The following ARHGAP4 variants were observed in gnomAD, a reference collection of about 807,000 sequenced individuals.
The protein encoded by ARHGAP4 is rho GTPase-activating protein 4.
Under a neutral mutation model 67.6 loss-of-function variants are expected in ARHGAP4, and 25 were observed. The observed-to-expected ratio is 0.37, with a 90% confidence interval of 0.27 to 0.52. The LOEUF (loss-of-function observed/expected upper bound fraction) is 0.52. Among genes scored for constraint, ARHGAP4 ranks in the 20% least tolerant of loss-of-function variants. The pLI is 0.92. For missense variants in ARHGAP4, 804 were observed against 854.6 expected (o/e 0.94, Z 0.74); for synonymous variants, 448 against 373.7 (o/e 1.20, Z -2.29).
rs2064996479 is a variant in ARHGAP4 at position 153,909,185 on chromosome X, G to A, written c.2508-16C>T. 2 of 1,182,020 alleles carry A rather than the reference G, an allele frequency of 1.7e-6. No individual in the cohort carries two copies. The highest frequency in any genetic ancestry group is 3.0e-5 in the East Asian group (1 of 33,052). On this transcript the variant is annotated splice_polypyrimidine_tract_variant and intron_variant, in intron 20 of 21. Coordinates refer to ENST00000350060, the MANE Select transcript of ARHGAP4 (RefSeq NM_001666.5). Reference sequence around the variant, plus strand: ...TGGCTCTGGCCTGCAGGACAGACAGGGAGCCTGGTGGGGGCCCTGGGAAGT... The same window carrying A: ...TGGCTCTGGCCTGCAGGACAGACAGAGAGCCTGGTGGGGGCCCTGGGAAGT...
chrX:153,924,434 T>C lies in ARHGAP4; in HGVS notation c.67+1702A>G, dbSNP rs781915385. 2.3e-4 allele frequency among the ~76,000 whole-genome samples: 26 copies of C among 111,688 alleles called. No individual in the cohort carries two copies. The South Asian group carries it at 9.4e-3, about 40-fold the overall frequency. On this transcript the variant is annotated intron_variant, in intron 1 of 21. Transcript: ENST00000350060. ...TTCAGACAAACTCGTCAGCACACCC[T>C]GTCCTGACCTCCCCCTAAACTAGGG...
rs782675835 is a variant in ARHGAP4, at chrX:153,909,107, A to T, written c.2570T>A (p.Val857Asp). The part of the protein sequence containing the change: ...GPSGHRRRCL[V>D]PASPEQHVEV... ...CACGTGTTGCTCTGGGGAGGCTGGG[A>T]CCAAGCAGCGTCGTCTGTGTCCAGA... The change falls in exon 21 of 22, where the codon GTC becomes GAC. Residue 857 changes from valine (V) to aspartate (D), a missense_variant. This residue lies in a region of ARHGAP4 where 400 missense variants were observed against 348.7 expected (regional missense o/e 1.15). Coordinates refer to ENST00000350060, the MANE Select transcript of ARHGAP4 (RefSeq NM_001666.5). The T allele has an allele frequency of 3.7e-5, 45 of 1,210,188 alleles. No homozygotes were observed. The East Asian group carries it at 1.2e-3, about 33-fold the overall frequency.
In ARHGAP4 at chrX:153,921,420, G is replaced by T; in HGVS notation, c.380C>A (p.Pro127His). The T allele has an allele frequency of 8.3e-7, 1 of 1,210,178 alleles. No individual in the cohort carries two copies. Among genetic ancestry groups the T allele is most frequent in the East Asian group, 3.0e-5 (1 of 33,814 alleles). ...SAALSEVLAG[P>H]LAQRLSHIAE... ...AATGTGACTCAGGCGCTGGGCCAGGGGCCCGGCCAGCACCTCACTCAGGGC... is the reference window on the plus strand; with the variant it reads ...AATGTGACTCAGGCGCTGGGCCAGGTGCCCGGCCAGCACCTCACTCAGGGC... Residue 127 changes from proline to histidine, a missense_variant, in exon 3 of 22, where the codon CCC becomes CAC. Physicochemically the swap from Pro to His is moderately conservative, Grantham distance 77. Transcript: ENST00000350060.
chrX:153,910,339 G>A lies in ARHGAP4; in HGVS notation c.1988C>T (p.Thr663Met). Residue 663 changes from threonine to methionine, a missense_variant, in exon 17 of 22, where the codon ACG (threonine) becomes ATG (methionine). Around this residue, in one of 2 missense-constraint regions of ARHGAP4, gnomAD observed 400 missense variants for 348.7 expected, o/e 1.15. Transcript: ENST00000350060. ...PYNLAVCFGP[T>M]LLPVPAGQDP... ...CTGCCCAGCGGGCACCGGTAGCAGC[G>A]TGGGCCCGAAGCACACGGCCAGGTT... 6 of 1,208,370 alleles carry A rather than the reference G, an allele frequency of 5.0e-6. No homozygotes were observed. Among genetic ancestry groups the A allele is most frequent in the Non-Finnish European group, 5.6e-6 (5 of 893,962 alleles).
chrX:153,919,712 G>A (rs2065079712), intron 5 of ARHGAP4: 1 of 1,117,986 alleles, frequency 8.9e-7, no homozygotes, highest in Admixed American at 3.1e-5. Flanking sequence ...TACCCCAAAG[G>A]GTAGGGATAG....
At chrX:153,924,984 G>C (rs6643802) in intron 1 of ARHGAP4, among the ~76,000 whole-genome samples, 1 of 112,171 alleles carries the variant, frequency 8.9e-6, no homozygotes, top group East Asian at 2.8e-4. Flanking sequence ...AGCAAGTGAG[G>C]AACCCTTAGA....
intron 8 of ARHGAP4, 83 bp downstream of exon 8, chrX:153,913,695 C>T (rs2065037091): frequency 2.6e-6 from 3 of 1,157,909 alleles, no homozygotes; most frequent in South Asian, 3.7e-5. Context: ...GGGAGGGGGG[C>T]AGGCAGGGCA....
chrX:153,925,912 C>T (rs782443902), intron 1 of ARHGAP4, among the ~76,000 whole-genome samples: 2 of 112,805 alleles, frequency 1.8e-5, no homozygotes, highest in Non-Finnish European at 3.8e-5. Flanking sequence ...AGGACAGAGA[C>T]CAAAGGAAGG....
chrX:153,908,410 A>G (rs1557101782), intron 21 of ARHGAP4, among the ~76,000 whole-genome samples: 1 of 111,482 alleles, frequency 9.0e-6, no homozygotes, highest in Admixed American at 9.4e-5. Flanking sequence ...CACCTGGGAC[A>G]CCCGCATGTT....
At chrX:153,918,639 C>T (rs1193755160) in intron 7 of ARHGAP4, among the ~76,000 whole-genome samples, 193 bp downstream of exon 7, 1 of 112,728 alleles carries the variant, frequency 8.9e-6, no homozygotes, top group Non-Finnish European at 1.9e-5. Context: ...AGTGTCTTGC[C>T]CTCCTTGGCC....
chrX:153,917,464 G>C (rs1191643822), intron 7 of ARHGAP4, among the ~76,000 whole-genome samples: 2 of 109,978 alleles, frequency 1.8e-5, no homozygotes, highest in Non-Finnish European at 3.8e-5. Flanking sequence ...CATGAAATAA[G>C]AATAAAGGGT....
In ARHGAP4 at chrX:153,909,553, G is replaced by A. The variant is rs782557710; in HGVS notation, c.2415-18C>T. Reference sequence around the variant, plus strand: ...TCTCCGTCCTGCGGTGGGAAGGACCGGCCTGTTTCGAGTGCTCCTTCCCTG... The same window carrying A: ...TCTCCGTCCTGCGGTGGGAAGGACCAGCCTGTTTCGAGTGCTCCTTCCCTG... On this transcript the variant is annotated intron_variant, in intron 19 of 21. Transcript: ENST00000350060. 1.7e-5 allele frequency: 20 copies of A among 1,181,481 alleles called. No individual in the cohort carries two copies. The highest frequency in any genetic ancestry group is 2.4e-4 in the Middle Eastern group (1 of 4,221).
In ARHGAP4 at chrX:153,926,236, G is replaced by A; in HGVS notation, c.-34C>T. Reference sequence around the variant, plus strand: ...CGCGGCCGCGCCGTCGAACCCCACTGCTCCCACGCGGCCGTGAGCGGGCCC... The same window carrying A: ...CGCGGCCGCGCCGTCGAACCCCACTACTCCCACGCGGCCGTGAGCGGGCCC... On this transcript the variant is annotated 5_prime_UTR_variant, in exon 1 of 22. Coordinates refer to ENST00000350060, the MANE Select transcript of ARHGAP4 (RefSeq NM_001666.5). 8.9e-7 allele frequency: 1 copy of A among 1,121,285 alleles called. No homozygotes were observed. The highest frequency in any genetic ancestry group is 1.2e-6 in the Non-Finnish European group (1 of 852,171). 92.4% of individuals were successfully genotyped at this position (1,121,285 alleles called of 1,213,427 possible).
rs145134760 is a variant in ARHGAP4, at chrX:153,913,445, G to A, written c.1290C>T (p.Arg430=). The A allele has an allele frequency of 2.0e-4, 238 of 1,209,943 alleles. No homozygotes were observed. The African/African-American group carries it at 3.5e-3, about 18-fold the overall frequency. The stretch of plus-strand genomic sequence containing the variant: ...AGGTTTCGGTCTCCTGCTGCTGGCC[G>A]CGCCTCCGGCCCGCCTGCCGGCTGC... ...DPGSRQAGRR[R]GQQQETETFY... The change falls in exon 9 of 22, where the codon CGC becomes CGT. Residue 430 remains arginine, a synonymous_variant. Coordinates refer to ENST00000350060, the MANE Select transcript of ARHGAP4 (RefSeq NM_001666.5).
At position 153,918,907 on chromosome X, in the gene ARHGAP4, G is replaced by A. The variant is rs782617988; in HGVS notation, c.957C>T (p.Ala319=). ...VEALDPPGDK[A]KVLEVHATVF... ...CGGTAGCATGCACCTCGAGAACCTT[G>A]GCTTTGTCCCCTGGAGGATCCAGGG... is the stretch of plus-strand genomic sequence containing the variant. Residue 319 remains alanine (A), a synonymous_variant, in exon 7 of 22, where the codon GCC becomes GCT. Transcript: ENST00000350060. 8.2e-7 allele frequency: 1 copy of A among 1,212,240 alleles called. No homozygotes were observed. The highest frequency in any genetic ancestry group is 1.7e-5 in the African/African-American group (1 of 57,939).
chrX:153,925,953 G>C (rs11797283), intron 1 of ARHGAP4, among the ~76,000 whole-genome samples, 183 bp downstream of exon 1: 1 of 112,799 alleles, frequency 8.9e-6, no homozygotes, highest in African/African-American at 3.2e-5. Context: ...GAAAATGGCA[G>C]GCGGTTGAGG....
chrX:153,910,184 C>A lies in ARHGAP4; in HGVS notation c.2143G>T (p.Ala715Ser), dbSNP rs1557102632. The A allele has an allele frequency of 8.3e-7, 1 of 1,211,094 alleles. No individual in the cohort carries two copies. Among genetic ancestry groups the A allele is most frequent in the Non-Finnish European group, 1.1e-6 (1 of 895,355 alleles). Residue 715 changes from alanine (A) to serine (S), a missense_variant, in exon 17 of 22, where the codon GCC becomes TCC. By Grantham distance (99) the Ala-to-Ser change is moderately conservative. Around this residue, in one of 2 missense-constraint regions of ARHGAP4, gnomAD observed 400 missense variants for 348.7 expected, o/e 1.15. Coordinates refer to ENST00000350060, the MANE Select transcript of ARHGAP4 (RefSeq NM_001666.5). ...CCAAGGGTGTACCCCAGGCAGCTGG[C>A]GGAAGGCGGTGCCATGCACTTCTCG... ...VYEKCMAPPS[A>S]SCLGDAQLES...
In ARHGAP4 at chrX:153,909,887, G is replaced by C; in HGVS notation, c.2268C>G (p.Ala756=). The C allele has an allele frequency of 2.5e-6, 3 of 1,205,375 alleles. No homozygotes were observed. Among genetic ancestry groups the C allele is most frequent in the Non-Finnish European group, 3.4e-6 (3 of 892,782 alleles). Residue 756 remains alanine, a synonymous_variant, in exon 19 of 22, where the codon GCC becomes GCG. Transcript: ENST00000350060. ...GCTCCTGGGCTGTGCGGCCCGTGTAGGCAAAGCAGGCCACAGCCTCCACGA... is the reference window on the plus strand; with the variant it reads ...GCTCCTGGGCTGTGCGGCCCGTGTACGCAAAGCAGGCCACAGCCTCCACGA... ...EGVVEAVACF[A]YTGRTAQELS...
chrX:153,916,524 A>AC (rs2065056586), intron 7 of ARHGAP4, among the ~76,000 whole-genome samples: 1 of 112,173 alleles, frequency 8.9e-6, no homozygotes, highest in Non-Finnish European at 1.9e-5. Flanking sequence ...CAGCCCTCTC[A>AC]CCCCCTCTCC....
Sources: allele counts gnomAD v4.1 joint callset (sites outside exome capture counted in the v4.1 genomes callset), GRCh38; gene constraint gnomAD v4.1.1; regional missense constraint gnomAD v4.1.1; transcripts MANE v1.5; gene names NCBI Gene and HGNC (gene_info 2026-07-23, HGNC 2026-07-21).